The following FER variants were observed in gnomAD, a reference collection of about 807,000 sequenced individuals.
FER encodes tyrosine-protein kinase Fer.
A neutral mutation model predicts 111.0 loss-of-function variants in FER; 63 were observed. The ratio of observed to expected loss-of-function variants is 0.57; its 90% CI spans 0.46 to 0.70. The LOEUF is 0.70. Among genes scored for constraint, FER ranks in the 30% least tolerant of loss-of-function variants. The probability of loss-of-function intolerance (pLI) is 0.00; values close to 1 mark genes in which losing one functional copy is unlikely to be tolerated. For missense variants in FER, 914 were observed against 954.0 expected (o/e 0.96, Z 0.55); for synonymous variants, 327 against 313.9 (o/e 1.04, Z -0.44).
intron 5 of FER, among the ~76,000 whole-genome samples, chr5:108,863,903 GTTTT>G (rs1561530563): frequency 1.3e-5 from 2 of 152,206 alleles, no homozygotes; most frequent in South Asian, 4.1e-4. Flanking sequence ...AGTGATTCAA[GTTTT>G]TTTCTTTCTT....
chr5:108,774,160 T>A (rs922502080), intron 2 of FER, among the ~76,000 whole-genome samples: 1 of 152,146 alleles, frequency 6.6e-6, no homozygotes, highest in African/African-American at 2.4e-5. Flanking sequence ...ATGTTTGGTT[T>A]TCTGTTCCTG....
chr5:108,822,534 CT>C (rs936167087), intron 3 of FER, among the ~76,000 whole-genome samples: 6 of 152,130 alleles, frequency 3.9e-5, no homozygotes, highest in Non-Finnish European at 7.4e-5. Context: ...TAGCAATCCA[CT>C]TTTGTGGGAA....
At position 109,146,253 on chromosome 5, in the gene FER, A is replaced by AATATATATATATAT. The variant is rs6149172; in HGVS notation, c.2049-34469_2049-34456dup. On this transcript the variant is annotated intron_variant, in intron 17 of 19. Transcript: ENST00000281092. ...TATCTAATATATATATAATCTATCT[A>AATATATATATATAT]ATATATATATATATATATATATATA... Among the ~76,000 whole-genome samples, 118 of 42,054 alleles carry AATATATATATATAT rather than the reference A, an allele frequency of 2.8e-3. 2 individuals carry two copies. Among genetic ancestry groups the AATATATATATATAT allele is most frequent in the Middle Eastern group, 0.016 (1 of 62 alleles). 27.6% of individuals were successfully genotyped at this position (42,054 alleles called of 152,430 possible).
intron 13 of FER, among the ~76,000 whole-genome samples, chr5:109,025,748 G>C (rs1266879044): frequency 6.6e-6 from 1 of 151,796 alleles, no homozygotes; most frequent in Non-Finnish European, 1.5e-5. Context: ...TATGATATTG[G>C]CTGTGGGTTT....
intron 13 of FER, among the ~76,000 whole-genome samples, chr5:108,987,938 G>T (rs1762758033): frequency 6.7e-6 from 1 of 149,742 alleles, no homozygotes; most frequent in Non-Finnish European, 1.5e-5. Flanking sequence ...GTTTGTCATA[G>T]ATGGCTTTTA....
chr5:109,009,738 T>G (rs774296803), intron 13 of FER, among the ~76,000 whole-genome samples: 3 of 152,228 alleles, frequency 2.0e-5, no homozygotes, highest in Non-Finnish European at 2.9e-5. Flanking sequence ...TTGGGTTGAC[T>G]GGGTGGAGGT....
chr5:108,844,983 GGT>G lies in FER; in HGVS notation c.481+9189_481+9190del, dbSNP rs147584034. Among the ~76,000 whole-genome samples, 317 of 54,896 alleles carry G rather than the reference GGT, an allele frequency of 5.8e-3. 4 individuals carry two copies. Among genetic ancestry groups the G allele is most frequent in the Middle Eastern group, 0.028 (2 of 72 alleles). 36.0% of individuals were successfully genotyped at this position (54,896 alleles called of 152,430 possible). A position where few individuals can be genotyped will look rare whatever the true frequency, so the allele number is the denominator to read the frequency against. ...TGACATTTTTGGATTGTTCATTGCTGGTGTGTGTGTGTGTATATATATATATA... is the reference window on the plus strand; with the variant it reads ...TGACATTTTTGGATTGTTCATTGCTGGTGTGTGTGTGTATATATATATATA... On this transcript the variant is annotated intron_variant, in intron 5 of 19. Coordinates refer to ENST00000281092, the MANE Select transcript of FER (RefSeq NM_005246.4).
intron 17 of FER, among the ~76,000 whole-genome samples, chr5:109,147,922 A>G (rs538289297): frequency 1.3e-5 from 2 of 151,984 alleles, no homozygotes; most frequent in Middle Eastern, 3.4e-3. Context: ...CCATTGACCA[A>G]TCACTTTCGT....
intron 16 of FER, among the ~76,000 whole-genome samples, chr5:109,084,891 TA>T (rs1777387993): frequency 6.6e-6 from 1 of 151,936 alleles, no homozygotes; most frequent in Non-Finnish European, 1.5e-5. Context: ...GTCTATGTTA[TA>T]AATGAATTGT....
chr5:108,767,074 G>A (rs1167237143), intron 1 of FER, among the ~76,000 whole-genome samples: 1 of 152,156 alleles, frequency 6.6e-6, no homozygotes, highest in African/African-American at 2.4e-5. Context: ...GCCGAGATGG[G>A]TGGTGGATCA....
At chr5:108,965,391 A>G (rs988526860) in intron 13 of FER, among the ~76,000 whole-genome samples, 3 of 152,296 alleles carry the variant, frequency 2.0e-5, no homozygotes, top group African/African-American at 7.2e-5. Context: ...AATAGCGTAT[A>G]GTTTTTGTTT....
At chr5:108,771,502 C>A (rs1339567122) in intron 2 of FER, among the ~76,000 whole-genome samples, 2 of 152,060 alleles carry the variant, frequency 1.3e-5, no homozygotes. Flanking sequence ...CTGTGACCTG[C>A]CCAAGATCAT....
chr5:109,107,576 A>G (rs191938553), intron 17 of FER, among the ~76,000 whole-genome samples: 72 of 152,218 alleles, frequency 4.7e-4, no homozygotes, highest in Non-Finnish European at 8.5e-4. Context: ...AAGTGAGAAT[A>G]TGCAATATTT....
intron 17 of FER, among the ~76,000 whole-genome samples, chr5:109,137,113 A>C (rs144416872): frequency 0.011 from 1,706 of 152,230 alleles, 14 homozygotes; most frequent in Middle Eastern, 0.024. Flanking sequence ...TGGCTTTTAT[A>C]AACTGGTTAC....
chr5:109,046,885 T>A (rs1242238754), intron 15 of FER, among the ~76,000 whole-genome samples: 1 of 152,130 alleles, frequency 6.6e-6, no homozygotes, highest in Non-Finnish European at 1.5e-5. Flanking sequence ...TGCATAGATT[T>A]CTGTATCCAC....
At chr5:109,046,348 T>A (rs73779120) in intron 15 of FER, among the ~76,000 whole-genome samples, 10,768 of 150,454 alleles carry the variant, frequency 0.072, 448 homozygotes, top group South Asian at 0.12. Flanking sequence ...TGTTAAAAAA[T>A]ATATATATAT....
chr5:108,938,661 A>G (rs996897974), intron 10 of FER, among the ~76,000 whole-genome samples: 2 of 151,984 alleles, frequency 1.3e-5, no homozygotes, highest in African/African-American at 4.8e-5. Flanking sequence ...AGAGAAGAGA[A>G]GAGAAGATGA....
chr5:109,029,499 T>C (rs1012627709), intron 13 of FER, among the ~76,000 whole-genome samples: 4 of 149,504 alleles, frequency 2.7e-5, no homozygotes, highest in Non-Finnish European at 4.4e-5. Flanking sequence ...TTAGATCTCT[T>C]GGCCTGAAGC....
At chr5:108,866,524 A>G (rs1234660933) in intron 5 of FER, among the ~76,000 whole-genome samples, 1 of 152,152 alleles carries the variant, frequency 6.6e-6, no homozygotes, top group African/African-American at 2.4e-5. Flanking sequence ...AACGTGGCAC[A>G]TGTATACATA....
Sources: allele counts gnomAD v4.1 joint callset (sites outside exome capture counted in the v4.1 genomes callset), GRCh38; gene constraint gnomAD v4.1.1; transcripts MANE v1.5; gene names NCBI Gene and HGNC (gene_info 2026-07-23, HGNC 2026-07-21).